Variants in NUMB observed in about 807,000 individuals in gnomAD.
NUMB encodes protein numb homolog.
NUMB carries 29 observed loss-of-function variants against 59.7 expected under a neutral mutation model. The ratio of observed to expected loss-of-function variants is 0.49; its 90% CI spans 0.36 to 0.66. The LOEUF (loss-of-function observed/expected upper bound fraction) is 0.66. Ranked by LOEUF, NUMB falls within the 30% of genes least tolerant of loss-of-function variation. The probability of loss-of-function intolerance (pLI) is 0.00; values close to 1 mark genes in which losing one functional copy is unlikely to be tolerated. For synonymous variants in NUMB, 288 were observed against 288.2 expected (o/e 1.00, Z 0.01); for missense variants, 723 against 822.0 (o/e 0.88, Z 1.47).
At chr14:73,425,861 T>G (rs1595025369) in intron 1 of NUMB, among the ~76,000 whole-genome samples, 4 of 149,918 alleles carry the variant, frequency 2.7e-5, no homozygotes, top group Admixed American at 2.0e-4. Flanking sequence ...CAGGCTGGAG[T>G]GCAGTGGTGC....
chr14:73,431,527 A>G (rs1470866457), intron 1 of NUMB, among the ~76,000 whole-genome samples: 1 of 151,380 alleles, frequency 6.6e-6, no homozygotes, highest in African/African-American at 2.4e-5. Flanking sequence ...AAGGTGGATC[A>G]CTTGAGGTCA....
At chr14:73,431,276 GAC>G (rs1378183304) in intron 1 of NUMB, among the ~76,000 whole-genome samples, 1 of 140,850 alleles carries the variant, frequency 7.1e-6, no homozygotes, top group African/African-American at 2.8e-5. Flanking sequence ...TTTTTTTTGA[GAC>G]AGAGTCTCAC....
At chr14:73,386,864 CTTATTTTTTTTTTTT>C (rs1246680998) in intron 2 of NUMB, among the ~76,000 whole-genome samples, 7 of 73,808 alleles carry the variant, frequency 9.5e-5, no homozygotes, top group African/African-American at 1.7e-4. Context: ...TATCAGGTGT[CTTATTTTTTTTTTTT>C]TTTTTTTTTT....
At chr14:73,281,055 A>T (rs986356907) in intron 11 of NUMB, among the ~76,000 whole-genome samples, 49 of 150,190 alleles carry the variant, frequency 3.3e-4, no homozygotes, top group Admixed American at 1.3e-3. Flanking sequence ...TGGCAAAAAA[A>T]TTTTTTTTTT....
chr14:73,318,301 A>T (rs1238589617), intron 5 of NUMB, among the ~76,000 whole-genome samples: 1 of 152,264 alleles, frequency 6.6e-6, no homozygotes, highest in Non-Finnish European at 1.5e-5. Flanking sequence ...TAATGAAAAA[A>T]GTTGGCATGC....
Position 73,279,300 on chromosome 14 carries a change from T to A in NUMB, c.1221A>T (p.Glu407Asp), listed in dbSNP as rs1888438136. ...WAHAPDAANKEIAATCSGTEW... is the reference protein window; with the variant it reads ...WAHAPDAANKDIAATCSGTEW... ...CCTTACCCGAACATGTGGCTGCAAT[T>A]TCCTTGTTAGCAGCATCAGGGGCAT... Residue 407 changes from glutamate to aspartate, a missense_variant, in exon 12 of 13, where the codon GAA becomes GAT. Glu to Asp is a conservative substitution (Grantham distance 45, BLOSUM62 2). Coordinates refer to ENST00000555238, the MANE Select transcript of NUMB (RefSeq NM_001005743.2). 6.2e-7 allele frequency: 1 copy of A among 1,614,176 alleles called. No individual in the cohort carries two copies. Among genetic ancestry groups the A allele is most frequent in the Non-Finnish European group, 8.5e-7 (1 of 1,180,010 alleles).
At chr14:73,282,213 A>G in intron 11 of NUMB, 146 bp downstream of exon 11, 5 of 650,018 alleles carry the variant, frequency 7.7e-6, no homozygotes, top group South Asian at 3.1e-5. Flanking sequence ...GAATGGAGAA[A>G]TCAATGAATC....
intron 2 of NUMB, among the ~76,000 whole-genome samples, chr14:73,383,902 G>A (rs1380922585): frequency 3.3e-5 from 5 of 152,060 alleles, no homozygotes; most frequent in Non-Finnish European, 7.3e-5. Context: ...TATAGTCCCA[G>A]CTACTGGGAG....
chr14:73,277,564 G>A (rs1888262550), intron 12 of NUMB, among the ~76,000 whole-genome samples: 1 of 152,138 alleles, frequency 6.6e-6, no homozygotes, highest in Non-Finnish European at 1.5e-5. Context: ...GCAGCTGACT[G>A]ATGTCAGAAA....
chr14:73,364,612 T>G (rs1894250614), intron 3 of NUMB, among the ~76,000 whole-genome samples: 1 of 152,146 alleles, frequency 6.6e-6, no homozygotes, highest in South Asian at 2.1e-4. Flanking sequence ...TTTAAAAAAT[T>G]AAGTGCAACA....
At chr14:73,367,324 T>TATAC (rs1399365127) in intron 2 of NUMB, among the ~76,000 whole-genome samples, 6 of 86,482 alleles carry the variant, frequency 6.9e-5, no homozygotes, top group South Asian at 3.9e-4. Context: ...CACACACACA[T>TATAC]ATATACATAT....
At chr14:73,386,864 C>CTTTTTTTTTTTTT (rs1566773800) in intron 2 of NUMB, among the ~76,000 whole-genome samples, 2 of 73,820 alleles carry the variant, frequency 2.7e-5, no homozygotes, top group African/African-American at 1.1e-4. Context: ...TATCAGGTGT[C>CTTTTTTTTTTTTT]TTATTTTTTT....
chr14:73,287,838 C>G (rs991811154), intron 8 of NUMB, among the ~76,000 whole-genome samples: 1 of 152,162 alleles, frequency 6.6e-6, no homozygotes, highest in Non-Finnish European at 1.5e-5. Context: ...TGATAACCAG[C>G]AACCTGTGCT....
chr14:73,396,669 A>G (rs1195502832), intron 2 of NUMB, among the ~76,000 whole-genome samples: 1 of 152,056 alleles, frequency 6.6e-6, no homozygotes, highest in African/African-American at 2.4e-5. Flanking sequence ...CAGCCTTTTT[A>G]GAATACAGTT....
chr14:73,351,158 C>G (rs1172465845), intron 4 of NUMB, among the ~76,000 whole-genome samples: 1 of 152,172 alleles, frequency 6.6e-6, no homozygotes, highest in Non-Finnish European at 1.5e-5. Context: ...CCTCCTAAAT[C>G]TATAAATACA....
At chr14:73,398,163 CA>C (rs1158280340) in intron 2 of NUMB, among the ~76,000 whole-genome samples, 1 of 152,024 alleles carries the variant, frequency 6.6e-6, no homozygotes, top group East Asian at 1.9e-4. Flanking sequence ...AACAGTTCAC[CA>C]AATTGTTAAC....
chr14:73,332,954 T>C (rs1892069893), intron 4 of NUMB, among the ~76,000 whole-genome samples: 1 of 152,154 alleles, frequency 6.6e-6, no homozygotes, highest in Non-Finnish European at 1.5e-5. Context: ...TTTTCATACC[T>C]GAGTGACATT....
At chr14:73,391,314 T>A (rs73309092) in intron 2 of NUMB, among the ~76,000 whole-genome samples, 9,024 of 150,692 alleles carry the variant, frequency 0.06, 709 homozygotes, top group African/African-American at 0.16. Flanking sequence ...TGCATCTCCT[T>A]AGAACTGAAA....
chr14:73,450,839 G>A (rs1883879885), intron 1 of NUMB, among the ~76,000 whole-genome samples: 1 of 150,138 alleles, frequency 6.7e-6, no homozygotes, highest in South Asian at 2.1e-4. Flanking sequence ...TTATAACAAA[G>A]TCGCTTATAT....
Sources: gnomAD v4.1 joint callset for allele counts (sites outside exome capture counted in the v4.1 genomes callset) on GRCh38, gnomAD v4.1.1 for gene constraint, MANE v1.5 for transcripts, NCBI Gene and HGNC (gene_info 2026-07-23, HGNC 2026-07-21) for gene names.